The following SPATA16 variants were observed in gnomAD, a reference collection of about 807,000 sequenced individuals.
SPATA16 encodes the protein spermatogenesis associated 16, also known as spermatogenesis-associated protein 16.
In SPATA16, 36 loss-of-function variants were observed where a neutral mutation model predicts 63.3. The ratio of observed to expected loss-of-function variants is 0.57; its 90% CI spans 0.44 to 0.75. SPATA16 has a LOEUF of 0.75. Among genes scored for constraint, SPATA16 ranks in the 30% least tolerant of loss-of-function variants. The pLI is 0.00. For synonymous variants in SPATA16, 203 were observed against 216.7 expected, an observed-to-expected ratio of 0.94 and a Z score of 0.56; for missense variants, 646 against 679.3, an observed-to-expected ratio of 0.95 and a Z score of 0.54.
intron 10 of SPATA16, among the ~76,000 whole-genome samples, chr3:172,895,308 C>T (rs1731984701): frequency 6.6e-6 from 1 of 152,172 alleles, no homozygotes; most frequent in Non-Finnish European, 1.5e-5. Flanking sequence ...GCCCTGACAA[C>T]CACTAATAAA....
chr3:172,914,747 A>T (rs532268766), intron 9 of SPATA16, among the ~76,000 whole-genome samples: 9 of 152,228 alleles, frequency 5.9e-5, no homozygotes, highest in African/African-American at 1.9e-4. Context: ...TCTGCTGGGT[A>T]TATAAGTACA....
At chr3:173,056,449 T>C (rs181193536) in intron 2 of SPATA16, among the ~76,000 whole-genome samples, 292 of 152,242 alleles carry the variant, frequency 1.9e-3, no homozygotes, top group African/African-American at 6.6e-3. Flanking sequence ...ACGCCTGTAA[T>C]CCCAGCACTT....
chr3:173,127,966 A>G (rs116630320), intron 1 of SPATA16, among the ~76,000 whole-genome samples: 17 of 152,324 alleles, frequency 1.1e-4, no homozygotes, highest in Non-Finnish European at 2.4e-4. Flanking sequence ...TTCCTAACTC[A>G]TGACATCATA....
intron 3 of SPATA16, among the ~76,000 whole-genome samples, chr3:173,044,160 T>G (rs1189418477): frequency 6.6e-6 from 1 of 152,136 alleles, no homozygotes; most frequent in Admixed American, 6.5e-5. Flanking sequence ...TTTCCAGAAA[T>G]TATTTTTTAT....
chr3:172,909,297 A>G (rs1334967997), intron 10 of SPATA16, among the ~76,000 whole-genome samples: 2 of 152,154 alleles, frequency 1.3e-5, no homozygotes, highest in African/African-American at 2.4e-5. Flanking sequence ...TTAATCCTTC[A>G]TTGAGAGGAG....
At chr3:172,923,497 G>A (rs967191187) in intron 8 of SPATA16, among the ~76,000 whole-genome samples, 3 of 151,980 alleles carry the variant, frequency 2.0e-5, no homozygotes, top group African/African-American at 7.3e-5. Context: ...GGAACAGGAA[G>A]GAAATTCTTT....
At chr3:173,136,921 T>C (rs912093537) in intron 1 of SPATA16, among the ~76,000 whole-genome samples, 3 of 152,020 alleles carry the variant, frequency 2.0e-5, no homozygotes, top group African/African-American at 7.2e-5. Flanking sequence ...CCCTGTCCTC[T>C]CTCTTGGGAA....
At chr3:172,940,208 C>T (rs1385085942) in intron 6 of SPATA16, among the ~76,000 whole-genome samples, 2 of 152,190 alleles carry the variant, frequency 1.3e-5, no homozygotes, top group African/African-American at 4.8e-5. Context: ...GAACAAATTA[C>T]TGAACATGAC....
chr3:172,981,105 A>G (rs566327538), intron 4 of SPATA16, among the ~76,000 whole-genome samples: 1 of 151,082 alleles, frequency 6.6e-6, no homozygotes, highest in Non-Finnish European at 1.5e-5. Flanking sequence ...TCTAGTGTAC[A>G]CTCTCCCACT....
chr3:172,911,359 G>T (rs1372975135), intron 10 of SPATA16, among the ~76,000 whole-genome samples: 1 of 152,150 alleles, frequency 6.6e-6, no homozygotes, highest in Admixed American at 6.5e-5. Context: ...TTCTAGTGGG[G>T]AGTCTGAGTT....
intron 2 of SPATA16, among the ~76,000 whole-genome samples, chr3:173,051,243 C>T (rs1736082853): frequency 6.6e-6 from 1 of 152,274 alleles, no homozygotes; most frequent in Non-Finnish European, 1.5e-5. Context: ...GGCTGTGTCT[C>T]CCAGGCTGGA....
At chr3:172,891,744 C>G (rs910359662) in intron 10 of SPATA16, among the ~76,000 whole-genome samples, 4 of 152,086 alleles carry the variant, frequency 2.6e-5, no homozygotes, top group Non-Finnish European at 5.9e-5. Context: ...TTCTATGCCC[C>G]CTCGATCTTC....
chr3:173,113,151 G>A (rs1222423620), intron 2 of SPATA16, among the ~76,000 whole-genome samples: 1 of 152,124 alleles, frequency 6.6e-6, no homozygotes, highest in African/African-American at 2.4e-5. Context: ...ACAACTATAT[G>A]AGGCAGTCAT....
intron 2 of SPATA16, among the ~76,000 whole-genome samples, chr3:173,057,408 T>C (rs1248037639): frequency 2.0e-5 from 3 of 151,288 alleles, no homozygotes; most frequent in African/African-American, 7.4e-5. Flanking sequence ...CCACCATACC[T>C]GGCCTATAGT....
At chr3:172,958,479 C>T (rs1397884139) in intron 5 of SPATA16, among the ~76,000 whole-genome samples, 2 of 152,200 alleles carry the variant, frequency 1.3e-5, no homozygotes, top group Admixed American at 6.5e-5. Flanking sequence ...CGTGGTTGCA[C>T]ATGCCTATGT....
At chr3:172,939,056 T>G (rs1349400554) in intron 6 of SPATA16, among the ~76,000 whole-genome samples, 1 of 152,172 alleles carries the variant, frequency 6.6e-6, no homozygotes, top group African/African-American at 2.4e-5. Flanking sequence ...TAAATCTACT[T>G]ATGACCCGGG....
At chr3:173,047,241 C>G (rs759549619) in intron 3 of SPATA16, among the ~76,000 whole-genome samples, 1 of 150,938 alleles carries the variant, frequency 6.6e-6, no homozygotes, top group Non-Finnish European at 1.5e-5. Context: ...TTACCAGAGA[C>G]TGTTACTTAT....
intron 1 of SPATA16, among the ~76,000 whole-genome samples, chr3:173,134,730 G>C (rs1738493089): frequency 6.6e-6 from 1 of 152,086 alleles, no homozygotes; most frequent in African/African-American, 2.4e-5. Flanking sequence ...TATAGCAACA[G>C]AAAACAGAAT....
intron 1 of SPATA16, among the ~76,000 whole-genome samples, chr3:173,134,416 G>A (rs148087030): frequency 0.011 from 1,605 of 152,022 alleles, 26 homozygotes; most frequent in African/African-American, 0.037. Flanking sequence ...TTGAACCCGG[G>A]AGGAGGAGGT....
Sources: gnomAD v4.1 joint callset for allele counts (sites outside exome capture counted in the v4.1 genomes callset) on GRCh38, gnomAD v4.1.1 for gene constraint, MANE v1.5 for transcripts, NCBI Gene and HGNC (gene_info 2026-07-23, HGNC 2026-07-21) for gene names.